HDGFL2: variants seen among roughly 807,000 people sequenced by gnomAD.
The protein encoded by HDGFL2 is hepatoma-derived growth factor-related protein 2.
A neutral mutation model predicts 77.1 loss-of-function variants in HDGFL2; 36 were observed. The ratio of observed to expected loss-of-function variants is 0.47; its 90% confidence interval spans 0.36 to 0.62. The LOEUF (loss-of-function observed/expected upper bound fraction) is 0.62, where lower values mean the gene tolerates loss of function less well. Among genes scored for constraint, HDGFL2 ranks in the 20% least tolerant of loss-of-function variants. The pLI is 0.00. For missense variants in HDGFL2, 976 were observed against 973.4 expected, an observed-to-expected ratio of 1.00 and a Z score of -0.04; for synonymous variants, 463 against 413.1, an observed-to-expected ratio of 1.12 and a Z score of -1.46.
chr19:4,479,885 G>A (rs1033664390), intron 3 of HDGFL2, among the ~76,000 whole-genome samples: 1 of 147,210 alleles, frequency 6.8e-6, no homozygotes, highest in East Asian at 2.0e-4. Context: ...CAGCCTGGGC[G>A]ACAGAATGAG....
chr19:4,489,223 G>T (rs1975444332), intron 4 of HDGFL2, among the ~76,000 whole-genome samples: 1 of 150,968 alleles, frequency 6.6e-6, no homozygotes, highest in South Asian at 2.1e-4. Flanking sequence ...AAAGTGCTGG[G>T]ATTACAGTCT....
At chr19:4,494,101 G>A in intron 8 of HDGFL2, 44 bp downstream of exon 8, 1 of 1,529,406 alleles carries the variant, frequency 6.5e-7, no homozygotes, top group Non-Finnish European at 8.8e-7. Context: ...TCCTCCATCG[G>A]CTGAGGGGCA....
At position 4,501,328 on chromosome 19, in the gene HDGFL2, C is replaced by T. The variant is rs747976576; in HGVS notation, c.1916+11C>T. 94 of 1,581,800 alleles carry T rather than the reference C, an allele frequency of 5.9e-5. No homozygotes were observed. The highest frequency in any genetic ancestry group is 2.5e-4 in the South Asian group (22 of 86,388). ...TGAAGACCTGCACGAGTGAGTGTCCCGGGCCGTGGGGTTTGGACTCCTGAG... is the reference window on the plus strand; with the variant it reads ...TGAAGACCTGCACGAGTGAGTGTCCTGGGCCGTGGGGTTTGGACTCCTGAG... On this transcript the variant is annotated intron_variant, in intron 15 of 15. Transcript: ENST00000616600.
Position 4,475,278 on chromosome 19 carries a change from G to T in HDGFL2, c.76G>T (p.Asp26Tyr). The part of the protein sequence containing the change: ...KGYPHWPARI[D>Y]DIADGAVKPP... ...CCTCACTGGCCTCTCACTGCAGATC[G>T]ACGACATCGCGGATGGCGCCGTGAA... The change falls in exon 2 of 16, where the codon GAC (aspartate) becomes TAC (tyrosine). Residue 26 changes from aspartate to tyrosine, a missense_variant. By Grantham distance (160) the Asp-to-Tyr change is radical. Coordinates refer to ENST00000616600, the MANE Select transcript of HDGFL2 (RefSeq NM_001001520.3). 6.2e-7 allele frequency: 1 copy of T among 1,614,004 alleles called. No homozygotes were observed. Among genetic ancestry groups the T allele is most frequent in the African/African-American group, 1.3e-5 (1 of 75,028 alleles).
At position 4,486,226 on chromosome 19, in the gene HDGFL2, G is replaced by C. The variant is rs118125546; in HGVS notation, c.289-2450G>C. On this transcript the variant is annotated intron_variant, in intron 3 of 15. Coordinates refer to ENST00000616600, the MANE Select transcript of HDGFL2 (RefSeq NM_001001520.3). ...CTGTGCTGGGAGCTGTGGCAGCACA[G>C]CTTGAGCTTGTTGTAACTGCGTGGA... Among the ~76,000 whole-genome samples, 552 of 152,182 alleles carry C rather than the reference G, an allele frequency of 3.6e-3. 2 individuals carry two copies. The highest frequency in any genetic ancestry group is 6.5e-3 in the Non-Finnish European group (441 of 68,000).
In HDGFL2 at chr19:4,491,471, G is replaced by A. The variant is rs1975510138; in HGVS notation, c.490-95G>A. On this transcript the variant is annotated intron_variant, in intron 4 of 15. Coordinates refer to ENST00000616600, the MANE Select transcript of HDGFL2 (RefSeq NM_001001520.3). The stretch of plus-strand genomic sequence containing the variant: ...CCTGGCCCGCCAGAGAGGTTCCAGA[G>A]CTCAGCTGTCGTGGGTGGTGGGCAG... 8.8e-6 allele frequency: 9 copies of A among 1,025,430 alleles called. No homozygotes were observed. The South Asian group carries it at 1.3e-4, about 14-fold the overall frequency. 63.5% of individuals were successfully genotyped at this position (1,025,430 alleles called of 1,614,324 possible).
chr19:4,475,698 T>C (rs1975054881), intron 3 of HDGFL2, 115 bp downstream of exon 3: 5 of 1,294,098 alleles, frequency 3.9e-6, no homozygotes. Context: ...TCGTTCCCTG[T>C]GGTGGGGCAT....
chr19:4,497,494 G>C (rs1975737246), intron 10 of HDGFL2: 5 of 304,332 alleles, frequency 1.6e-5, no homozygotes, highest in Non-Finnish European at 3.2e-5. Context: ...ACCGTGCTTG[G>C]TCCCCCAGCC....
In HDGFL2 at chr19:4,499,602, A is replaced by G. The variant is rs779272121; in HGVS notation, c.1687A>G (p.Lys563Glu). Reference sequence around the variant, plus strand: ...GATCGAGGCGGTGCAGAAAGTGAACAAGGCTGGGATGGAGAAGGAGAAGGC... The same window carrying G: ...GATCGAGGCGGTGCAGAAAGTGAACGAGGCTGGGATGGAGAAGGAGAAGGC... ...PKIEAVQKVN[K>E]AGMEKEKAEE... The change falls in exon 14 of 16, where the codon AAG becomes GAG. Residue 563 changes from lysine (K) to glutamate (E), a missense_variant. Physicochemically the swap from Lys to Glu is moderately conservative, Grantham distance 56 (BLOSUM62 1). This residue lies in a region of HDGFL2 where 229 missense variants were observed against 187.3 expected (regional missense o/e 1.22). Transcript: ENST00000616600. The G allele has an allele frequency of 1.9e-6, 3 of 1,609,252 alleles. No homozygotes were observed. The highest frequency in any genetic ancestry group is 2.2e-5 in the East Asian group (1 of 44,774).
chr19:4,492,190 GTGTT>G (rs1188382442), intron 6 of HDGFL2, among the ~76,000 whole-genome samples: 3 of 152,202 alleles, frequency 2.0e-5, no homozygotes, highest in Admixed American at 1.3e-4. Context: ...TTGTGTGTGT[GTGTT>G]CTGTCTCTGT....
chr19:4,497,733 C>T (rs1164863960), intron 10 of HDGFL2: 12 of 555,286 alleles, frequency 2.2e-5, no homozygotes, highest in Non-Finnish European at 3.2e-5. Flanking sequence ...CATGAGAACT[C>T]GGGAAAAGGC....
chr19:4,497,259 G>A lies in HDGFL2; in HGVS notation c.1329-699G>A, dbSNP rs138081298. 9.7e-4 allele frequency: 400 copies of A among 413,412 alleles called. 3 individuals are homozygous for A. The highest frequency in any genetic ancestry group is 6.4e-3 in the East Asian group (89 of 13,896). 25.6% of individuals were successfully genotyped at this position (413,412 alleles called of 1,614,324 possible). On this transcript the variant is annotated intron_variant, in intron 10 of 15. Coordinates refer to ENST00000616600, the MANE Select transcript of HDGFL2 (RefSeq NM_001001520.3). ...GTGGCCCAGGCTGGAGTGCAGTGGC[G>A]CCATCTCAGCTCACTGCAACCTCTG...
chr19:4,498,778 C>A, intron 12 of HDGFL2, 36 bp from the exon 13 acceptor site: 1 of 1,464,404 alleles, frequency 6.8e-7, no homozygotes, highest in Non-Finnish European at 9.4e-7. Context: ...GATCCCTTGG[C>A]CAGGCCGTCT....
intron 1 of HDGFL2, among the ~76,000 whole-genome samples, chr19:4,472,718 G>A (rs1201578244): frequency 6.6e-6 from 1 of 151,396 alleles, no homozygotes. Flanking sequence ...CCGCCCTCGG[G>A]GCCTGGGGGT....
Position 4,475,511 on chromosome 19 carries a change from C to T in HDGFL2, c.216C>T (p.Asn72=), listed in dbSNP as rs371500074. ...GTAAAGACAAGTACGGGAAGCCCAA[C>T]AAGAGGAAAGGCTTCAATGAAGGGC... ...DKCKDKYGKP[N]KRKGFNEGLW... The change falls in exon 3 of 16, where the codon AAC becomes AAT. Residue 72 remains asparagine, a synonymous_variant. Transcript: ENST00000616600. 4.7e-5 allele frequency: 75 copies of T among 1,605,100 alleles called. No individual in the cohort carries two copies. Among genetic ancestry groups the T allele is most frequent in the Non-Finnish European group, 5.6e-5 (66 of 1,177,812 alleles).
chr19:4,496,215 G>A, intron 9 of HDGFL2, 87 bp from the exon 10 acceptor site: 1 of 1,090,220 alleles, frequency 9.2e-7, no homozygotes, highest in Non-Finnish European at 1.4e-6. Context: ...AAAGGGTCGA[G>A]CTGCATCTCC....
In HDGFL2 at chr19:4,494,392, G is replaced by A; in HGVS notation, c.1141G>A (p.Val381Ile). 2 of 1,404,146 alleles carry A rather than the reference G, an allele frequency of 1.4e-6. No individual in the cohort carries two copies. Among genetic ancestry groups the A allele is most frequent in the Non-Finnish European group, 9.2e-7 (1 of 1,083,586 alleles). The allele number at this position is 1,404,146 out of a possible 1,614,324, so 87.0% of individuals were successfully genotyped here. The change falls in exon 9 of 16, where the codon GTC becomes ATC. Residue 381 changes from valine (V) to isoleucine (I), a missense_variant. By Grantham distance (29) the Val-to-Ile change is conservative. Transcript: ENST00000616600. ...CGAGCTCAGGGAGGACGATGAGCCCGTCAAGAAGCGGGGACGCAAGGGCCG... is the reference window on the plus strand; with the variant it reads ...CGAGCTCAGGGAGGACGATGAGCCCATCAAGAAGCGGGGACGCAAGGGCCG... The part of the protein sequence containing the change: ...GDELREDDEP[V>I]KKRGRKGRGR...
rs1351220779 is a variant in HDGFL2, at chr19:4,497,969, T to C, written c.1340T>C (p.Val447Ala). 2 of 1,553,224 alleles carry C rather than the reference T, an allele frequency of 1.3e-6. No individual in the cohort carries two copies. The highest frequency in any genetic ancestry group is 1.7e-6 in the Non-Finnish European group (2 of 1,148,150). ...EEKQQAKPVK[V>A]ERTRKRSEGF... Reference sequence around the variant, plus strand: ...GCACTTCTCCACAGGCCCGTGAAGGTGGAGCGGACCCGGAAGCGGTCCGAG... The same window carrying C: ...GCACTTCTCCACAGGCCCGTGAAGGCGGAGCGGACCCGGAAGCGGTCCGAG... The change falls in exon 11 of 16, where the codon GTG (valine) becomes GCG (alanine). Residue 447 changes from valine (V) to alanine (A), a missense_variant. Physicochemically the swap from Val to Ala is moderately conservative, Grantham distance 64. Around this residue, in one of 5 missense-constraint regions of HDGFL2, gnomAD observed 567 missense variants for 534.7 expected, o/e 1.06. Transcript: ENST00000616600.
At position 4,475,301 on chromosome 19, in the gene HDGFL2, G is replaced by A; in HGVS notation, c.99G>A (p.Val33=). The change falls in exon 2 of 16, where the codon GTG becomes GTA. Residue 33 remains valine (V), a synonymous_variant. Transcript: ENST00000616600. The stretch of plus-strand genomic sequence containing the variant: ...TCGACGACATCGCGGATGGCGCCGT[G>A]AAGCCCCCACCCAACAAGTACCCCA... ...ARIDDIADGA[V]KPPPNKYPIF... 6.2e-7 allele frequency: 1 copy of A among 1,614,072 alleles called. No homozygotes were observed. The highest frequency in any genetic ancestry group is 8.5e-7 in the Non-Finnish European group (1 of 1,180,006).
Sources: allele counts gnomAD v4.1 joint callset (sites outside exome capture counted in the v4.1 genomes callset), GRCh38; gene constraint gnomAD v4.1.1; regional missense constraint gnomAD v4.1.1; transcripts MANE v1.5; gene names NCBI Gene and HGNC (gene_info 2026-07-23, HGNC 2026-07-21).